Variants in AFDN observed in about 807,000 individuals in gnomAD.
The protein encoded by AFDN is afadin.
In AFDN, 68 loss-of-function variants were observed where a neutral mutation model predicts 216.6. That is an observed-to-expected ratio of 0.31 (90% CI 0.26 to 0.38). AFDN has a LOEUF of 0.38. Ranked by LOEUF, AFDN falls within the 10% of genes least tolerant of loss-of-function variation. The pLI is 1.00. For missense variants in AFDN, 2,136 were observed against 2,342.0 expected, an observed-to-expected ratio of 0.91 and a Z score of 1.82; for synonymous variants, 868 against 853.7, an observed-to-expected ratio of 1.02 and a Z score of -0.29.
At chr6:167,965,008 A>G (rs1797394834) in intron 31 of AFDN, 1 of 1,048,000 alleles carries the variant, frequency 9.5e-7, no homozygotes, top group South Asian at 4.6e-5. Flanking sequence ...GTCAAAATAT[A>G]TTTGAATATC....
At chr6:167,890,615 C>T (rs1017821288) in intron 7 of AFDN, among the ~76,000 whole-genome samples, 23 of 150,266 alleles carry the variant, frequency 1.5e-4, no homozygotes, top group African/African-American at 5.6e-4. Flanking sequence ...TGATGTCTTT[C>T]GGTAGCTGTT....
intron 16 of AFDN, 116 bp downstream of exon 16, chr6:167,913,539 C>T: frequency 1.1e-6 from 1 of 940,328 alleles, no homozygotes; most frequent in Non-Finnish European, 1.6e-6. Context: ...AACACTCATT[C>T]AGCAACTGAG....
At position 167,951,811 on chromosome 6, in the gene AFDN, G is replaced by A; in HGVS notation, c.4457G>A (p.Arg1486Gln). Residue 1486 changes from arginine (R) to glutamine (Q), a missense_variant, in exon 30 of 34, where the codon CGG (arginine) becomes CAG (glutamine). Transcript: ENST00000683244. This position sits in a 1 kb window ranked among gnomAD's most constrained non-coding sequence, Gnocchi z 7.1. ...CAGCGGCCACAGGAAACAGTCATTC[G>A]GGAGCTGCAGCCTCAGCAGCAGCCC... Reference protein sequence around the residue: ...TLQRPQETVIRELQPQQQPRT... With the variant: ...TLQRPQETVIQELQPQQQPRT... The A allele has an allele frequency of 1.9e-6, 3 of 1,614,086 alleles. No individual in the cohort carries two copies. The highest frequency in any genetic ancestry group is 1.7e-6 in the Non-Finnish European group (2 of 1,180,022).
Position 167,831,579 on chromosome 6 carries a change from T to C in AFDN, c.105+4342T>C, listed in dbSNP as rs146910400. 3.8e-3 allele frequency among the ~76,000 whole-genome samples: 577 copies of C among 152,308 alleles called. 2 individuals are homozygous for C. Among genetic ancestry groups the C allele is most frequent in the African/African-American group, 0.013 (542 of 41,564 alleles). ...TGAAAAATAATTTTATTTTACATAA[T>C]TTGCAGACCTGATGGAAAATAAGTG... On this transcript the variant is annotated intron_variant, in intron 1 of 33. Coordinates refer to ENST00000683244, the MANE Select transcript of AFDN (RefSeq NM_001386888.1).
At chr6:167,860,953 G>T (rs1355886318) in intron 1 of AFDN, among the ~76,000 whole-genome samples, 2 of 152,182 alleles carry the variant, frequency 1.3e-5, no homozygotes, top group African/African-American at 4.8e-5. Flanking sequence ...AATAATTAGT[G>T]TCAAACTCCC....
At chr6:167,945,128 C>T (rs1193716682) in intron 26 of AFDN, among the ~76,000 whole-genome samples, 3 of 151,814 alleles carry the variant, frequency 2.0e-5, no homozygotes, top group Admixed American at 6.6e-5. Flanking sequence ...AAAATATTTT[C>T]GTTCTTTCTA....
In AFDN at chr6:167,855,535, A is replaced by G. The variant is rs1782795743; in HGVS notation, c.106-9016A>G. On this transcript the variant is annotated intron_variant, in intron 1 of 33. Transcript: ENST00000683244. Reference sequence around the variant, plus strand: ...TTATTCTTGCAGTTTGGTCAGGTCCAGTCACCTTTCTTATTTAATTTAAAA... The same window carrying G: ...TTATTCTTGCAGTTTGGTCAGGTCCGGTCACCTTTCTTATTTAATTTAAAA... Among the ~76,000 whole-genome samples, 3 of 152,140 alleles carry G rather than the reference A, an allele frequency of 2.0e-5. No homozygotes were observed. The South Asian group carries it at 6.2e-4, about 31-fold the overall frequency.
At position 167,890,848 on chromosome 6, in the gene AFDN, T is replaced by C; in HGVS notation, c.1010-14T>C. 6.2e-7 allele frequency: 1 copy of C among 1,610,834 alleles called. No individual in the cohort carries two copies. The highest frequency in any genetic ancestry group is 8.5e-7 in the Non-Finnish European group (1 of 1,178,498). On this transcript the variant is annotated splice_polypyrimidine_tract_variant and intron_variant, in intron 7 of 33. Transcript: ENST00000683244. ...CCTGAGTCTGCCTGATGATTTCCCA[T>C]GCTGCTGTTCTAGGGATTTTAGTCT...
rs1790633715 is a variant in AFDN at position 167,913,274 on chromosome 6, A to G, written c.2038-129A>G. On this transcript the variant is annotated intron_variant, in intron 15 of 33. Coordinates refer to ENST00000683244, the MANE Select transcript of AFDN (RefSeq NM_001386888.1). Reference sequence around the variant, plus strand: ...AAATGAAAATGTTATTTTGGGAATAACATAACTAAATGTCGTACCTTCATG... The same window carrying G: ...AAATGAAAATGTTATTTTGGGAATAGCATAACTAAATGTCGTACCTTCATG... 7 of 872,294 alleles carry G rather than the reference A, an allele frequency of 8.0e-6. No homozygotes were observed. In the Admixed American group the frequency reaches 8.6e-5, roughly 11 times the overall value. The allele number at this position is 872,294 out of a possible 1,614,324, so 54.0% of individuals were successfully genotyped here.
At chr6:167,846,977 GT>G (rs1781769098) in intron 1 of AFDN, among the ~76,000 whole-genome samples, 1 of 76,142 alleles carries the variant, frequency 1.3e-5, no homozygotes, top group Non-Finnish European at 3.4e-5. Flanking sequence ...TAAAAAAATA[GT>G]GAGGTATGTC....
intron 4 of AFDN, among the ~76,000 whole-genome samples, chr6:167,872,802 T>G (rs942600429): frequency 6.6e-6 from 1 of 152,164 alleles, no homozygotes; most frequent in Non-Finnish European, 1.5e-5. Flanking sequence ...CCTTTTAAGC[T>G]TCAGATCACC....
At chr6:167,953,452 A>C (rs1342140592) in intron 30 of AFDN, among the ~76,000 whole-genome samples, 1 of 152,200 alleles carries the variant, frequency 6.6e-6, no homozygotes, top group Non-Finnish European at 1.5e-5. Flanking sequence ...TATATATAAA[A>C]CTTTGCCCAA....
At chr6:167,901,931 A>C (rs1322146367) in intron 11 of AFDN, among the ~76,000 whole-genome samples, 1 of 152,022 alleles carries the variant, frequency 6.6e-6, no homozygotes, top group Admixed American at 6.6e-5. Context: ...CATCTCTACA[A>C]AAAATACAAT....
intron 30 of AFDN, among the ~76,000 whole-genome samples, chr6:167,953,424 T>G (rs977255840): frequency 6.6e-6 from 1 of 152,206 alleles, no homozygotes; most frequent in Non-Finnish European, 1.5e-5. Flanking sequence ...TATATACATA[T>G]CTCAGCCAAA....
chr6:167,947,470 T>C (rs112726973), intron 27 of AFDN, among the ~76,000 whole-genome samples: 6,711 of 122,496 alleles, frequency 0.055, 178 homozygotes, highest in African/African-American at 0.095. Flanking sequence ...TGAGCCACCA[T>C]GCCCAGCCAA....
chr6:167,832,670 T>C (rs1199432144), intron 1 of AFDN, among the ~76,000 whole-genome samples: 1 of 152,240 alleles, frequency 6.6e-6, no homozygotes, highest in Non-Finnish European at 1.5e-5. Flanking sequence ...AGTTTTATAC[T>C]TACAAATTTA....
intron 26 of AFDN, among the ~76,000 whole-genome samples, chr6:167,944,855 G>A (rs936798666): frequency 6.6e-6 from 1 of 152,138 alleles, no homozygotes; most frequent in African/African-American, 2.4e-5. Context: ...GAGCTTGTAG[G>A]ATGGAAGTTG....
intron 19 of AFDN, 117 bp downstream of exon 19, chr6:167,915,550 G>A (rs369730885): frequency 3.1e-5 from 38 of 1,233,196 alleles, no homozygotes; most frequent in South Asian, 1.6e-4. Context: ...GGGGTTTTTC[G>A]TATGTACAAA....
chr6:167,971,080 C>G lies in AFDN; in HGVS notation c.*1145C>G, dbSNP rs374774871. The G allele has an allele frequency of 4.5e-6, 1 of 220,018 alleles. No individual in the cohort carries two copies. Among genetic ancestry groups the G allele is most frequent in the African/African-American group, 2.2e-5 (1 of 44,622 alleles). 13.6% of individuals were successfully genotyped at this position (220,018 alleles called of 1,614,324 possible). ...GGATATGTGGCTGATGTTGGGGAGA[C>G]GGACCTCAGTGTGTTTTATATTGTC... On this transcript the variant is annotated 3_prime_UTR_variant, in exon 34 of 34. Coordinates refer to ENST00000683244, the MANE Select transcript of AFDN (RefSeq NM_001386888.1).
Sources: gnomAD v4.1 joint callset for allele counts (sites outside exome capture counted in the v4.1 genomes callset) on GRCh38, gnomAD v4.1.1 for gene constraint, Gnocchi (gnomAD v3.1) non-coding constraint, MANE v1.5 for transcripts, NCBI Gene and HGNC (gene_info 2026-07-23, HGNC 2026-07-21) for gene names.